Variants in PIGS observed in about 807,000 individuals in gnomAD.
PIGS encodes the protein GPI-anchor transamidase component PIGS.
A neutral mutation model predicts 58.2 loss-of-function variants in PIGS; 37 were observed. The ratio of observed to expected loss-of-function variants is 0.64; its 90% CI spans 0.49 to 0.84. The LOEUF (loss-of-function observed/expected upper bound fraction) is 0.84. Ranked by LOEUF, PIGS falls within the 40% of genes least tolerant of loss-of-function variation. PIGS has a pLI of 0.00. For synonymous variants in PIGS, 269 were observed against 289.2 expected (o/e 0.93, Z 0.71); for missense variants, 629 against 710.8 (o/e 0.88, Z 1.31).
In PIGS at chr17:28,554,464, G is replaced by A. The variant is rs777363616; in HGVS notation, c.1424C>T (p.Ser475Leu). 24 of 1,613,986 alleles carry A rather than the reference G, an allele frequency of 1.5e-5. No individual in the cohort carries two copies. The highest frequency in any genetic ancestry group is 6.7e-5 in the African/African-American group (5 of 74,906). The change falls in exon 12 of 12, where the codon TCG becomes TTG. Residue 475 changes from serine (S) to leucine (L), a missense_variant. Ser to Leu is a moderately radical substitution (Grantham distance 145). Transcript: ENST00000308360. ...VYKAVAAVQK[S>L]AEELASGHLA... ...GTGCCCAGACGCCAACTCTTCTGCCGACTTCTGGACGGCAGCTACAGCCTT... is the reference window on the plus strand; with the variant it reads ...GTGCCCAGACGCCAACTCTTCTGCCAACTTCTGGACGGCAGCTACAGCCTT...
chr17:28,565,936 C>T (rs2070391389), intron 3 of PIGS, among the ~76,000 whole-genome samples: 1 of 152,132 alleles, frequency 6.6e-6, no homozygotes, highest in South Asian at 2.1e-4. Flanking sequence ...GAGGCTGAGG[C>T]AGGAGAATCA....
Position 28,554,130 on chromosome 17 carries a change from C to T in PIGS, c.*90G>A. ...GGAGACTGGAGACAAATATTTAAGTCATTCCGGCAGGCCCCATGTACGTGC... is the reference window on the plus strand; with the variant it reads ...GGAGACTGGAGACAAATATTTAAGTTATTCCGGCAGGCCCCATGTACGTGC... On this transcript the variant is annotated 3_prime_UTR_variant, in exon 12 of 12. Coordinates refer to ENST00000308360, the MANE Select transcript of PIGS (RefSeq NM_033198.4). 6.7e-7 allele frequency: 1 copy of T among 1,498,678 alleles called. No homozygotes were observed. The highest frequency in any genetic ancestry group is 1.3e-5 in the South Asian group (1 of 77,852). The allele number at this position is 1,498,678 out of a possible 1,614,324, so 92.8% of individuals were successfully genotyped here.
chr17:28,568,346 G>A (rs1010039308), intron 3 of PIGS, among the ~76,000 whole-genome samples: 2 of 152,026 alleles, frequency 1.3e-5, no homozygotes, highest in Non-Finnish European at 2.9e-5. Flanking sequence ...CAAGTGATCT[G>A]CCTGCCTCGG....
intron 1 of PIGS, 92 bp downstream of exon 1, chr17:28,571,371 C>T: frequency 6.4e-7 from 1 of 1,555,608 alleles, no homozygotes; most frequent in Non-Finnish European, 8.7e-7. Context: ...GCCCCCCGTC[C>T]GCGGGACCTC....
At chr17:28,554,602 T>C in intron 11 of PIGS, 107 bp from the exon 12 acceptor site, 1 of 1,371,176 alleles carries the variant, frequency 7.3e-7, no homozygotes, top group Non-Finnish European at 1.0e-6. Flanking sequence ...ATGCCTGGAG[T>C]TCATCCAGGA....
intron 3 of PIGS, among the ~76,000 whole-genome samples, chr17:28,566,103 T>C (rs899145552): frequency 2.0e-5 from 3 of 151,622 alleles, no homozygotes; most frequent in African/African-American, 4.8e-5. Flanking sequence ...CACATTCTTG[T>C]AGTCTCAGCT....
Position 28,570,869 on chromosome 17 carries a change from C to G in PIGS, c.269G>C (p.Arg90Thr). The change falls in exon 3 of 12, where the codon AGA (arginine) becomes ACA (threonine). Residue 90 changes from arginine (R) to threonine (T), a missense_variant. By Grantham distance (71) the Arg-to-Thr change is moderately conservative. Coordinates refer to ENST00000308360, the MANE Select transcript of PIGS (RefSeq NM_033198.4). Reference protein sequence around the residue: ...EKLPFTVVHEREIPLKYKMKI... With the variant: ...EKLPFTVVHETEIPLKYKMKI... Reference sequence around the variant, plus strand: ...TAACTCACATTTCAGAGGAATCTCTCTTTCATGCACAACGGTGAAGGGCAG... The same window carrying G: ...TAACTCACATTTCAGAGGAATCTCTGTTTCATGCACAACGGTGAAGGGCAG... 1 of 1,614,236 alleles carries G rather than the reference C, an allele frequency of 6.2e-7. No individual in the cohort carries two copies.
chr17:28,563,754 A>C, intron 4 of PIGS, 64 bp downstream of exon 4: 1 of 1,490,156 alleles, frequency 6.7e-7, no homozygotes. Flanking sequence ...GGAACTATGC[A>C]CTTAGAGATC....
At chr17:28,566,838 C>T (rs2070397529) in intron 3 of PIGS, among the ~76,000 whole-genome samples, 1 of 152,114 alleles carries the variant, frequency 6.6e-6, no homozygotes, top group Non-Finnish European at 1.5e-5. Flanking sequence ...AAATGATCCA[C>T]CGCCTTGGCC....
intron 10 of PIGS, chr17:28,555,508 G>GTGTCTCTCTTTAGGA (rs1165319016): frequency 1.1e-5 from 2 of 185,236 alleles, no homozygotes. Context: ...TAGTCAATCA[G>GTGTCTCTCTTTAGGA]AAGAATACTC....
chr17:28,556,103 C>G, intron 10 of PIGS, 63 bp downstream of exon 10: 1 of 1,477,428 alleles, frequency 6.8e-7, no homozygotes, highest in East Asian at 2.3e-5. Flanking sequence ...CTTGATTCCA[C>G]TTTGCAACTC....
intron 7 of PIGS, among the ~76,000 whole-genome samples, 190 bp from the exon 8 acceptor site, chr17:28,558,780 G>A (rs1449089083): frequency 6.6e-6 from 1 of 152,082 alleles, no homozygotes; most frequent in Non-Finnish European, 1.5e-5. Context: ...AACTAAATAC[G>A]TGCTTTAAAA....
intron 4 of PIGS, 61 bp downstream of exon 4, chr17:28,563,757 T>C (rs2070378773): frequency 2.7e-6 from 4 of 1,506,326 alleles, no homozygotes; most frequent in Non-Finnish European, 3.7e-6. Flanking sequence ...ACTATGCACT[T>C]AGAGATCAGA....
At position 28,555,037 on chromosome 17, in the gene PIGS, G is replaced by A. The variant is rs1383714523; in HGVS notation, c.1206C>T (p.Pro402=). ...QLRLLFGIAQ[P]QLPPKCLLSG... The stretch of plus-strand genomic sequence containing the variant: ...AAAGCAGGCATTTTGGAGGCAGCTG[G>A]GGCTGAGCAATCCCAAAGAGCAACC... The change falls in exon 11 of 12, where the codon CCC becomes CCT. Residue 402 remains proline, a synonymous_variant. Transcript: ENST00000308360. 13 of 1,612,730 alleles carry A rather than the reference G, an allele frequency of 8.1e-6. No homozygotes were observed. The Admixed American group carries it at 1.0e-4, about 12-fold the overall frequency.
chr17:28,563,548 C>T (rs755103580), intron 4 of PIGS, 26 bp from the exon 5 acceptor site: 3 of 1,598,980 alleles, frequency 1.9e-6, no homozygotes, highest in Non-Finnish European at 2.6e-6. Context: ...GGTGGTACAC[C>T]AAGAGCAAAA....
intron 5 of PIGS, among the ~76,000 whole-genome samples, chr17:28,562,104 A>G (rs2070368029): frequency 6.6e-6 from 1 of 152,270 alleles, no homozygotes; most frequent in Non-Finnish European, 1.5e-5. Flanking sequence ...TCAACTACAT[A>G]ATTATGGATG....
Position 28,563,915 on chromosome 17 carries a change from G to C in PIGS, c.287-8C>G. The C allele has an allele frequency of 6.2e-7, 1 of 1,610,514 alleles. No individual in the cohort carries two copies. Among genetic ancestry groups the C allele is most frequent in the Non-Finnish European group, 8.5e-7 (1 of 1,176,786 alleles). ...ATTTGATTTTCATTTTGTCTGGGAGGGATAAGAAGTAGCACAATGAAAAGG... is the reference window on the plus strand; with the variant it reads ...ATTTGATTTTCATTTTGTCTGGGAGCGATAAGAAGTAGCACAATGAAAAGG... On this transcript the variant is annotated splice_region_variant and splice_polypyrimidine_tract_variant and intron_variant, in intron 3 of 11. Coordinates refer to ENST00000308360, the MANE Select transcript of PIGS (RefSeq NM_033198.4).
chr17:28,556,591 C>G (rs556449164), intron 9 of PIGS: 10 of 701,440 alleles, frequency 1.4e-5, no homozygotes, highest in Non-Finnish European at 2.3e-5. Flanking sequence ...AAGATGGACA[C>G]AGAATGATCC....
At chr17:28,563,164 A>G (rs1176281116) in intron 5 of PIGS, among the ~76,000 whole-genome samples, 1 of 152,108 alleles carries the variant, frequency 6.6e-6, no homozygotes, top group Non-Finnish European at 1.5e-5. Flanking sequence ...TACATGGCAC[A>G]TGCCTGTAAT....
Sources: allele counts gnomAD v4.1 joint callset (sites outside exome capture counted in the v4.1 genomes callset), GRCh38; gene constraint gnomAD v4.1.1; transcripts MANE v1.5; gene names NCBI Gene and HGNC (gene_info 2026-07-23, HGNC 2026-07-21).